The following MTSS2 variants were observed in gnomAD, a reference collection of about 807,000 sequenced individuals.
MTSS2 encodes the protein MTSS I-BAR domain containing 2, also known as protein MTSS 2.
In MTSS2, 27 loss-of-function variants were observed where a neutral mutation model predicts 67.1. The observed-to-expected ratio is 0.40, with a 90% CI of 0.30 to 0.55. MTSS2 has a LOEUF of 0.55. MTSS2 is among the 20% of genes least tolerant of loss of function. The pLI is 0.43. For synonymous variants in MTSS2, 624 were observed against 468.6 expected, an observed-to-expected ratio of 1.33 and a Z score of -4.28; for missense variants, 1,171 against 1,067.8, an observed-to-expected ratio of 1.10 and a Z score of -1.35.
At chr16:70,664,834 G>A in intron 13 of MTSS2, 71 bp from the exon 14 acceptor site, 1 of 1,526,056 alleles carries the variant, frequency 6.6e-7, no homozygotes, top group South Asian at 1.2e-5. Flanking sequence ...AGGCAGCCCT[G>A]CCAGGTGGTT....
rs761502969 is a variant in MTSS2 at position 70,679,772 on chromosome 16, C to A, written c.382+14G>T. 6.2e-7 allele frequency: 1 copy of A among 1,610,882 alleles called. No individual in the cohort carries two copies. Among genetic ancestry groups the A allele is most frequent in the Non-Finnish European group, 8.5e-7 (1 of 1,179,108 alleles). The stretch of plus-strand genomic sequence containing the variant: ...GAGTGGGGGGTGGGAAGCCCGGCTC[C>A]GCGCCACCCTCACCTTTCGCGTGGT... On this transcript the variant is annotated intron_variant, in intron 5 of 14. Coordinates refer to ENST00000338779, the MANE Select transcript of MTSS2 (RefSeq NM_138383.3).
In MTSS2 at chr16:70,685,935, G is replaced by C. The variant is rs867157488; in HGVS notation, c.-144C>G. ...CAGGCTGCGCTCAGCGGCCGGCCGCGCCGCGCTCCGGGGTCGCGGGCCTCC... is the reference window on the plus strand; with the variant it reads ...CAGGCTGCGCTCAGCGGCCGGCCGCCCCGCGCTCCGGGGTCGCGGGCCTCC... On this transcript the variant is annotated 5_prime_UTR_variant, in exon 1 of 15. Transcript: ENST00000338779. 9,262 of 229,634 alleles carry C rather than the reference G, an allele frequency of 0.04. 270 individuals are homozygous for C. Among genetic ancestry groups the C allele is most frequent in the Non-Finnish European group, 0.054 (7,719 of 144,076 alleles). 14.2% of individuals were successfully genotyped at this position (229,634 alleles called of 1,614,324 possible).
At chr16:70,665,769 A>C (rs2052692718) in intron 11 of MTSS2, 1 of 442,658 alleles carries the variant, frequency 2.3e-6, no homozygotes, top group Non-Finnish European at 4.0e-6. Flanking sequence ...CTGACAGCCC[A>C]GCCCTGCGCA....
At chr16:70,667,556 G>C (rs1292498495) in intron 11 of MTSS2, among the ~76,000 whole-genome samples, 1 of 151,978 alleles carries the variant, frequency 6.6e-6, no homozygotes, top group African/African-American at 2.4e-5. Flanking sequence ...TCCAATGACA[G>C]ATATGCAAGA....
chr16:70,677,353 G>A (rs2053151554), intron 9 of MTSS2, among the ~76,000 whole-genome samples: 4 of 152,192 alleles, frequency 2.6e-5, no homozygotes. Flanking sequence ...AAGTGCCTCT[G>A]GAGCGTGCTG....
Position 70,685,858 on chromosome 16 carries a change from G to C in MTSS2, c.-67C>G. ...AGCGCGGGGAGCAGCGCAAGGGAGGGGGCCAGGCCGCGCGGGCGCTCGCTC... is the reference window on the plus strand; with the variant it reads ...AGCGCGGGGAGCAGCGCAAGGGAGGCGGCCAGGCCGCGCGGGCGCTCGCTC... On this transcript the variant is annotated 5_prime_UTR_variant, in exon 1 of 15. Transcript: ENST00000338779. 1.1e-6 allele frequency: 1 copy of C among 947,086 alleles called. No individual in the cohort carries two copies. 58.7% of individuals were successfully genotyped at this position (947,086 alleles called of 1,614,324 possible). A position where few individuals can be genotyped will look rare whatever the true frequency, so the allele number is the denominator to read the frequency against.
chr16:70,665,586 A>AG (rs1229268754), intron 11 of MTSS2, 46 bp from the exon 12 acceptor site: 1 of 1,502,194 alleles, frequency 6.7e-7, no homozygotes, highest in Admixed American at 2.0e-5. Context: ...AGGGGCCGGC[A>AG]GGCAGCAAGG....
intron 1 of MTSS2, among the ~76,000 whole-genome samples, chr16:70,683,684 C>A (rs1187429461): frequency 6.6e-6 from 1 of 152,210 alleles, no homozygotes; most frequent in Non-Finnish European, 1.5e-5. Flanking sequence ...CCCAGAGGCC[C>A]AGGGGAGGGC....
Position 70,665,112 on chromosome 16 carries a change from G to T in MTSS2, c.1129-16C>A, listed in dbSNP as rs2052657191. 1.3e-6 allele frequency: 2 copies of T among 1,583,114 alleles called. No individual in the cohort carries two copies. The highest frequency in any genetic ancestry group is 1.7e-6 in the Non-Finnish European group (2 of 1,171,768). On this transcript the variant is annotated splice_polypyrimidine_tract_variant and intron_variant, in intron 12 of 14. Transcript: ENST00000338779. ...TGGACCAGTCCTGCAGGGAGGGTGT[G>T]GCAGGTCAGGGGGACCACTGGCCCT...
chr16:70,678,408 C>A lies in MTSS2; in HGVS notation c.468G>T (p.Gly156=). ...LQKKARKELL[G]KGDLQPQLDS... Reference sequence around the variant, plus strand: ...CCAGCTGGGGCTGCAGGTCTCCTTTCCCTGGAGGGGTGGGGAGGAGAGGCC... The same window carrying A: ...CCAGCTGGGGCTGCAGGTCTCCTTTACCTGGAGGGGTGGGGAGGAGAGGCC... The change falls in exon 8 of 15, where the codon GGG becomes GGT. Residue 156 remains glycine (G), a splice_region_variant and synonymous_variant. Transcript: ENST00000338779. 6.2e-7 allele frequency: 1 copy of A among 1,609,248 alleles called. No individual in the cohort carries two copies. The highest frequency in any genetic ancestry group is 1.1e-5 in the South Asian group (1 of 90,764).
Position 70,663,619 on chromosome 16 carries a change from T to C in MTSS2, c.*58A>G. 1 of 1,486,560 alleles carries C rather than the reference T, an allele frequency of 6.7e-7. No individual in the cohort carries two copies. Among genetic ancestry groups the C allele is most frequent in the Non-Finnish European group, 9.0e-7 (1 of 1,116,988 alleles). 92.1% of individuals were successfully genotyped at this position (1,486,560 alleles called of 1,614,324 possible). ...GGCCTTTGCTCTGAGTGCCTGCGGC[T>C]CACAGACCAGGCCACCTGCTCGCAC... On this transcript the variant is annotated 3_prime_UTR_variant, in exon 15 of 15. Coordinates refer to ENST00000338779, the MANE Select transcript of MTSS2 (RefSeq NM_138383.3).
At position 70,679,876 on chromosome 16, in the gene MTSS2, C is replaced by A. The variant is rs1442386206; in HGVS notation, c.292G>T (p.Ala98Ser). 6.3e-7 allele frequency: 1 copy of A among 1,598,872 alleles called. No homozygotes were observed. Among genetic ancestry groups the A allele is most frequent in the Non-Finnish European group, 8.5e-7 (1 of 1,178,440 alleles). The change falls in exon 5 of 15, where the codon GCA becomes TCA. Residue 98 changes from alanine (A) to serine (S), a missense_variant and splice_region_variant. Physicochemically the swap from Ala to Ser is moderately conservative, Grantham distance 99. Around this residue, in one of 2 missense-constraint regions of MTSS2, gnomAD observed 247 missense variants for 311.8 expected, o/e 0.79. Transcript: ENST00000338779. ...IETKLRQFTN[A>S]LLESLINPLQ... ...GGGTTGATGAGGCTCTCCAGCAGTG[C>A]GCTGCGGAGGGCGGGCGGGAGCGCA... is the stretch of plus-strand genomic sequence containing the variant.
intron 11 of MTSS2, among the ~76,000 whole-genome samples, chr16:70,666,101 A>T (rs147393768): frequency 7.4e-4 from 112 of 152,284 alleles, no homozygotes; most frequent in Non-Finnish European, 1.2e-3. Flanking sequence ...GAGTGCAGTT[A>T]GACAAGATTC....
Position 70,685,810 on chromosome 16 carries a change from CGCGGCG to C in MTSS2, c.-25_-20del. ...TCTCCATGCTCTGGCTGGGCCGGGC[CGCGGCG>C]GCGGCTAGGCGCACGGAGCGCGGGG... On this transcript the variant is annotated 5_prime_UTR_variant, in exon 1 of 15. Coordinates refer to ENST00000338779, the MANE Select transcript of MTSS2 (RefSeq NM_138383.3). The C allele has an allele frequency of 1.6e-6, 2 of 1,279,150 alleles. No homozygotes were observed. The highest frequency in any genetic ancestry group is 3.2e-5 in the South Asian group (2 of 61,832). The allele number at this position is 1,279,150 out of a possible 1,614,324, so 79.2% of individuals were successfully genotyped here. A position where few individuals can be genotyped will look rare whatever the true frequency, so the allele number is the denominator to read the frequency against.
Position 70,664,162 on chromosome 16 carries a change from G to T in MTSS2, c.1759C>A (p.Arg587=). 6.2e-7 allele frequency: 1 copy of T among 1,606,282 alleles called. No homozygotes were observed. The highest frequency in any genetic ancestry group is 1.1e-5 in the South Asian group (1 of 90,966). Reference sequence around the variant, plus strand: ...GTCTTCACAGGGACGATGGGCGGCCGGATGGGGATGGGGCCAGCGCTGGAC... The same window carrying T: ...GTCTTCACAGGGACGATGGGCGGCCTGATGGGGATGGGGCCAGCGCTGGAC... ...ALSSAGPIPI[R]PPIVPVKTPT... The change falls in exon 15 of 15, where the codon CGG becomes AGG. Residue 587 remains arginine, a synonymous_variant. Transcript: ENST00000338779.
intron 11 of MTSS2, among the ~76,000 whole-genome samples, chr16:70,669,453 T>G (rs1457755886): frequency 6.6e-6 from 1 of 151,974 alleles, no homozygotes; most frequent in Non-Finnish European, 1.5e-5. Context: ...GAGGCTGAGG[T>G]AGGAGGATTG....
At position 70,663,990 on chromosome 16, in the gene MTSS2, G is replaced by A. The variant is rs1157388533; in HGVS notation, c.1931C>T (p.Ala644Val). 8 of 1,590,762 alleles carry A rather than the reference G, an allele frequency of 5.0e-6. No homozygotes were observed. The Admixed American group carries it at 8.8e-5, about 18-fold the overall frequency. Reference protein sequence around the residue: ...SPKRLSLPNTAWGSPSPEAAG... With the variant: ...SPKRLSLPNTVWGSPSPEAAG... ...TGCCTCTGGGGATGGGCTGCCCCAGGCTGTGTTGGGCAGGCTGAGCCTCTT... is the reference window on the plus strand; with the variant it reads ...TGCCTCTGGGGATGGGCTGCCCCAGACTGTGTTGGGCAGGCTGAGCCTCTT... The change falls in exon 15 of 15, where the codon GCC becomes GTC. Residue 644 changes from alanine (A) to valine (V), a missense_variant. Transcript: ENST00000338779.
At chr16:70,675,464 T>G (rs2053087938) in intron 10 of MTSS2, among the ~76,000 whole-genome samples, 1 of 152,174 alleles carries the variant, frequency 6.6e-6, no homozygotes, top group Non-Finnish European at 1.5e-5. Flanking sequence ...AAAAACCTAT[T>G]GGTTTCACCA....
intron 11 of MTSS2, 23 bp from the exon 12 acceptor site, chr16:70,665,563 C>T (rs539341343): frequency 1.7e-5 from 26 of 1,538,914 alleles, no homozygotes; most frequent in African/African-American, 2.7e-5. Flanking sequence ...GGCCAGCAGG[C>T]GGTTGCAGAC....
Sources: allele counts gnomAD v4.1 joint callset (sites outside exome capture counted in the v4.1 genomes callset), GRCh38; gene constraint gnomAD v4.1.1; regional missense constraint gnomAD v4.1.1; transcripts MANE v1.5; gene names NCBI Gene and HGNC (gene_info 2026-07-23, HGNC 2026-07-21).